The following GRID1 variants were observed in gnomAD, a reference collection of about 807,000 sequenced individuals.
The protein encoded by GRID1 is glutamate receptor ionotropic, delta-1.
In GRID1, 28 loss-of-function variants were observed where a neutral mutation model predicts 98.0. That is an observed-to-expected ratio of 0.29 (90% confidence interval 0.21 to 0.39). The LOEUF is 0.39. Ranked by LOEUF, GRID1 falls within the 10% of genes least tolerant of loss-of-function variation. The pLI is 1.00. For synonymous variants in GRID1, 553 were observed against 538.5 expected (o/e 1.03, Z -0.37); for missense variants, 1,111 against 1,340.5 (o/e 0.83, Z 2.67).
intron 4 of GRID1, among the ~76,000 whole-genome samples, chr10:85,996,699 G>A (rs1438902757): frequency 1.3e-5 from 2 of 151,944 alleles, no homozygotes; most frequent in Non-Finnish European, 2.9e-5. Flanking sequence ...CATGATGGTG[G>A]GTGCATGTAA....
At chr10:86,045,069 G>T (rs1843403235) in intron 4 of GRID1, among the ~76,000 whole-genome samples, 1 of 152,228 alleles carries the variant, frequency 6.6e-6, no homozygotes, top group African/African-American at 2.4e-5. Context: ...AGGGGAAATT[G>T]TTCATATGCA....
intron 8 of GRID1, among the ~76,000 whole-genome samples, chr10:85,749,193 T>C (rs902484643): frequency 3.3e-5 from 5 of 152,188 alleles, no homozygotes; most frequent in East Asian, 1.9e-4. Flanking sequence ...TCCAGTGAGT[T>C]TGGGGCCATG....
intron 3 of GRID1, among the ~76,000 whole-genome samples, chr10:86,172,249 A>G (rs1438808073): frequency 6.6e-6 from 1 of 152,178 alleles, no homozygotes; most frequent in East Asian, 1.9e-4. Flanking sequence ...GTGGAATCAT[A>G]CAATATGTGG....
At chr10:85,688,952 A>G (rs1267628297) in intron 12 of GRID1, among the ~76,000 whole-genome samples, 1 of 152,084 alleles carries the variant, frequency 6.6e-6, no homozygotes, top group Non-Finnish European at 1.5e-5. Flanking sequence ...CCTGTCCTGT[A>G]CTTAAGTGGC....
intron 12 of GRID1, among the ~76,000 whole-genome samples, chr10:85,704,069 C>T (rs537990844): frequency 6.6e-6 from 1 of 152,180 alleles, no homozygotes; most frequent in Non-Finnish European, 1.5e-5. Context: ...AACTAATGAG[C>T]AAAATAACCA....
intron 4 of GRID1, among the ~76,000 whole-genome samples, chr10:86,124,910 G>A (rs1435582338): frequency 6.6e-6 from 1 of 152,178 alleles, no homozygotes; most frequent in Non-Finnish European, 1.5e-5. Flanking sequence ...TGGGGAACTG[G>A]GCAGTTCCCT....
At chr10:86,173,451 A>T (rs1564696996) in intron 3 of GRID1, among the ~76,000 whole-genome samples, 1 of 151,560 alleles carries the variant, frequency 6.6e-6, no homozygotes, top group East Asian at 1.9e-4. Flanking sequence ...GGTCACACAC[A>T]TTTTTTTTTA....
At chr10:86,014,133 G>A (rs1388037442) in intron 4 of GRID1, among the ~76,000 whole-genome samples, 3 of 152,198 alleles carry the variant, frequency 2.0e-5, no homozygotes, top group African/African-American at 7.2e-5. Context: ...CAGAGGCTCT[G>A]ACACTCAGCT....
chr10:85,772,507 C>A (rs11498995), intron 8 of GRID1, among the ~76,000 whole-genome samples: 6,514 of 151,466 alleles, frequency 0.043, 312 homozygotes, highest in African/African-American at 0.11. Flanking sequence ...ACACAAAAAA[C>A]CCTTCAAAAA....
chr10:85,936,004 TATC>T (rs1220796514), intron 4 of GRID1, among the ~76,000 whole-genome samples: 1 of 152,088 alleles, frequency 6.6e-6, no homozygotes, highest in East Asian at 1.9e-4. Context: ...ACATAACTGA[TATC>T]ATGCCTACCT....
chr10:86,235,180 C>T (rs561346435), intron 2 of GRID1, among the ~76,000 whole-genome samples: 174 of 152,194 alleles, frequency 1.1e-3, no homozygotes, highest in Non-Finnish European at 2.0e-3. Flanking sequence ...GTCCCAACCT[C>T]CTAGTCCTCC....
intron 12 of GRID1, among the ~76,000 whole-genome samples, chr10:85,679,119 C>T (rs1010347698): frequency 2.0e-5 from 3 of 152,154 alleles, no homozygotes; most frequent in Admixed American, 2.0e-4. Context: ...GGCAGTAATT[C>T]TCAGTGGTGG....
Position 86,168,183 on chromosome 10 carries a change from G to A in GRID1, c.521-29159C>T, listed in dbSNP as rs146280577. Among the ~76,000 whole-genome samples, 388 of 152,366 alleles carry A rather than the reference G, an allele frequency of 2.5e-3. 3 individuals are homozygous for A. The highest frequency in any genetic ancestry group is 8.9e-3 in the African/African-American group (368 of 41,580). ...CCCTGCCTGAGGCAGTGTGGTGACA[G>A]TGAGACAGAGCGTGGACCTTCGAGT... On this transcript the variant is annotated intron_variant, in intron 3 of 15. Transcript: ENST00000327946.
chr10:85,855,910 G>T, intron 7 of GRID1, 119 bp downstream of exon 7: 1 of 792,620 alleles, frequency 1.3e-6, no homozygotes, highest in Non-Finnish European at 2.1e-6. Context: ...GAATGGGGAG[G>T]GGCCTACTGG....
chr10:85,622,889 C>T (rs750053660), intron 13 of GRID1, among the ~76,000 whole-genome samples: 1 of 152,154 alleles, frequency 6.6e-6, no homozygotes, highest in Non-Finnish European at 1.5e-5. Context: ...TTAAGGTGAA[C>T]ACAGGAAATG....
intron 12 of GRID1, among the ~76,000 whole-genome samples, chr10:85,660,246 G>C (rs1360191054): frequency 6.6e-6 from 1 of 152,218 alleles, no homozygotes; most frequent in African/African-American, 2.4e-5. Flanking sequence ...ATACTGGCAG[G>C]ATAGAGCATG....
intron 15 of GRID1, chr10:85,606,075 C>A (rs1222790332): frequency 6.6e-6 from 1 of 152,190 alleles, no homozygotes; most frequent in Non-Finnish European, 1.5e-5. Context: ...GGCCAGCCCT[C>A]AGACTGAATG....
At chr10:85,743,071 A>G (rs1385138975) in intron 8 of GRID1, among the ~76,000 whole-genome samples, 2 of 124,122 alleles carry the variant, frequency 1.6e-5, no homozygotes, top group Non-Finnish European at 3.4e-5. Flanking sequence ...ATCTCCAGAC[A>G]TTGCCAAAAA....
At chr10:86,164,391 G>A (rs1484017715) in intron 3 of GRID1, among the ~76,000 whole-genome samples, 1 of 152,104 alleles carries the variant, frequency 6.6e-6, no homozygotes, top group Non-Finnish European at 1.5e-5. Flanking sequence ...CAGTGCTGAG[G>A]CCCAGCCCTG....
Sources: allele counts gnomAD v4.1 joint callset (sites outside exome capture counted in the v4.1 genomes callset), GRCh38; gene constraint gnomAD v4.1.1; transcripts MANE v1.5; gene names NCBI Gene and HGNC (gene_info 2026-07-23, HGNC 2026-07-21).